PNLIPRP1: variants seen among roughly 807,000 people sequenced by gnomAD.
PNLIPRP1 encodes the protein inactive pancreatic lipase-related protein 1.
In PNLIPRP1, 57 loss-of-function variants were observed where a neutral mutation model predicts 54.6. The observed-to-expected ratio is 1.04, with a 90% CI of 0.84 to 1.30. PNLIPRP1 has a LOEUF of 1.30. PNLIPRP1 is among the 50% of genes most tolerant of loss of function. The pLI is 0.00. For synonymous variants in PNLIPRP1, 232 were observed against 208.8 expected, an observed-to-expected ratio of 1.11 and a Z score of -0.96; for missense variants, 567 against 568.5, an observed-to-expected ratio of 1.00 and a Z score of 0.03.
chr10:116,592,657 A>C, intron 4 of PNLIPRP1, 116 bp downstream of exon 4: 1 of 1,269,072 alleles, frequency 7.9e-7, no homozygotes, highest in Non-Finnish European at 1.1e-6. Flanking sequence ...ATGCAATTAA[A>C]ATGCTTCTCT....
At chr10:116,602,508 G>A (rs753798882) in intron 10 of PNLIPRP1, among the ~76,000 whole-genome samples, 29 of 152,214 alleles carry the variant, frequency 1.9e-4, no homozygotes, top group Non-Finnish European at 2.6e-4. Context: ...GGACGAACAA[G>A]AGACTCCTCT....
In PNLIPRP1 at chr10:116,594,578, A is replaced by G; in HGVS notation, c.331-152A>G. On this transcript the variant is annotated intron_variant, in intron 4 of 12. Transcript: ENST00000358834. ...CTCATAGCATTCACCCTGAAGGATA[A>G]CTCCTAATTACCAACAGGATTCCCT... The G allele has an allele frequency of 2.0e-5, 16 of 794,734 alleles. 1 individual carries two copies. The South Asian group carries it at 2.7e-4, about 13-fold the overall frequency. 49.2% of individuals were successfully genotyped at this position (794,734 alleles called of 1,614,324 possible).
chr10:116,600,919 A>G (rs782496246), intron 9 of PNLIPRP1, among the ~76,000 whole-genome samples, 153 bp from the exon 10 acceptor site: 6 of 152,198 alleles, frequency 3.9e-5, no homozygotes, highest in Non-Finnish European at 8.8e-5. Flanking sequence ...CCTGATCCAG[A>G]TGAAGGTAAT....
chr10:116,591,665 C>A, intron 2 of PNLIPRP1, 106 bp from the exon 3 acceptor site: 1 of 1,188,436 alleles, frequency 8.4e-7, no homozygotes, highest in Non-Finnish European at 1.2e-6. Context: ...CATCCATTGT[C>A]TTCAGACTGT....
intron 9 of PNLIPRP1, 79 bp from the exon 10 acceptor site, chr10:116,600,993 T>C (rs543798618): frequency 3.0e-6 from 4 of 1,333,470 alleles, no homozygotes; most frequent in African/African-American, 2.9e-5. Context: ...TGTAGGAAAA[T>C]TGAGTGTCTG....
At chr10:116,606,904 C>G (rs782313855) in intron 12 of PNLIPRP1, among the ~76,000 whole-genome samples, 2 of 152,036 alleles carry the variant, frequency 1.3e-5, no homozygotes, top group Non-Finnish European at 2.9e-5. Flanking sequence ...ATCAGGTTTT[C>G]TAAACAGAGG....
chr10:116,604,212 A>G (rs1416480342), intron 11 of PNLIPRP1, 74 bp downstream of exon 11: 2 of 768,054 alleles, frequency 2.6e-6, no homozygotes, highest in Non-Finnish European at 4.5e-6. Context: ...TAATTTGAAC[A>G]CTTATCATCT....
At chr10:116,600,935 G>A in intron 9 of PNLIPRP1, 137 bp from the exon 10 acceptor site, 1 of 696,312 alleles carries the variant, frequency 1.4e-6, no homozygotes, top group Non-Finnish European at 2.3e-6. Context: ...GTAATTTAGA[G>A]ATCATCTGCT....
At chr10:116,593,092 CA>C (rs1554863471) in intron 4 of PNLIPRP1, 1 of 165,834 alleles carries the variant, frequency 6.0e-6, no homozygotes, top group Non-Finnish European at 1.3e-5. Context: ...TGCTTGAACC[CA>C]GGAGGCAAAG....
chr10:116,591,936 T>C lies in PNLIPRP1; in HGVS notation c.204+11T>C, dbSNP rs782288037. 1 of 1,614,034 alleles carries C rather than the reference T, an allele frequency of 6.2e-7. No individual in the cohort carries two copies. Among genetic ancestry groups the C allele is most frequent in the Middle Eastern group, 1.6e-4 (1 of 6,062 alleles). On this transcript the variant is annotated intron_variant, in intron 3 of 12. Coordinates refer to ENST00000358834, the MANE Select transcript of PNLIPRP1 (RefSeq NM_006229.4). ...CCAAACAACTTTCAAGTGAGACCTC[T>C]GTCATTTAAATGTCACTGTAACTGG...
At chr10:116,594,665 C>G in intron 4 of PNLIPRP1, 65 bp from the exon 5 acceptor site, 1 of 1,587,788 alleles carries the variant, frequency 6.3e-7, no homozygotes, top group South Asian at 1.1e-5. Flanking sequence ...ATTTCTGAGC[C>G]CTGGCTGGAT....
rs782445701 is a variant in PNLIPRP1, at chr10:116,605,436, T to C, written c.1223T>C (p.Leu408Pro). ...STHSYEFDAK[L>P]DVGTIEKVKF... ...CATTCCTATGAGTTTGATGCAAAGC[T>C]GGATGTTGGAACAATTGAGAAAGTC... Residue 408 changes from leucine (L) to proline (P), a missense_variant, in exon 12 of 13, where the codon CTG becomes CCG. Leu to Pro is a moderately conservative substitution (Grantham distance 98). Coordinates refer to ENST00000358834, the MANE Select transcript of PNLIPRP1 (RefSeq NM_006229.4). 7 of 1,611,966 alleles carry C rather than the reference T, an allele frequency of 4.3e-6. No homozygotes were observed. Among genetic ancestry groups the C allele is most frequent in the Non-Finnish European group, 5.9e-6 (7 of 1,178,246 alleles).
intron 8 of PNLIPRP1, among the ~76,000 whole-genome samples, chr10:116,598,872 G>T: frequency 6.6e-6 from 1 of 152,218 alleles, no homozygotes. Flanking sequence ...AAAACCCTTA[G>T]TAGTCTGACC....
At chr10:116,607,567 C>T (rs1847956348) in intron 12 of PNLIPRP1, among the ~76,000 whole-genome samples, 1 of 151,988 alleles carries the variant, frequency 6.6e-6, no homozygotes, top group African/African-American at 2.4e-5. Context: ...GCATGAGGGG[C>T]GACAGGGCCC....
At chr10:116,605,654 C>A in intron 12 of PNLIPRP1, 101 bp downstream of exon 12, 1 of 853,028 alleles carries the variant, frequency 1.2e-6, no homozygotes, top group Non-Finnish European at 1.7e-6. Flanking sequence ...CAAGAAAAGC[C>A]AAGAAAATTT....
chr10:116,600,307 A>C (rs1554864599), intron 9 of PNLIPRP1, 142 bp downstream of exon 9: 1 of 597,348 alleles, frequency 1.7e-6, no homozygotes, highest in Non-Finnish European at 3.0e-6. Flanking sequence ...GTGGAAGAGA[A>C]AAAAAAGTAA....
At chr10:116,596,800 C>A (rs1387943491) in intron 6 of PNLIPRP1, among the ~76,000 whole-genome samples, 1 of 152,014 alleles carries the variant, frequency 6.6e-6, no homozygotes, top group East Asian at 1.9e-4. Flanking sequence ...ATTCTTTTAA[C>A]CCAATCAAAG....
intron 3 of PNLIPRP1, 72 bp from the exon 4 acceptor site, chr10:116,592,344 C>T (rs1847653686): frequency 8.7e-6 from 13 of 1,500,224 alleles, no homozygotes; most frequent in African/African-American, 5.6e-5. Flanking sequence ...TTGGCGCAGG[C>T]GGAGATGAGG....
chr10:116,591,875 A>G lies in PNLIPRP1; in HGVS notation c.154A>G (p.Ile52Val). 1 of 1,614,194 alleles carries G rather than the reference A, an allele frequency of 6.2e-7. No individual in the cohort carries two copies. Residue 52 changes from isoleucine to valine, a missense_variant, in exon 3 of 13, where the codon ATC becomes GTC. By Grantham distance (29) the Ile-to-Val change is conservative. Transcript: ENST00000358834. ...LKILPWSPEK[I>V]GTRFLLYTNE... Reference sequence around the variant, plus strand: ...AATTCTCCCCTGGAGCCCTGAGAAGATCGGCACCCGCTTCCTGCTGTACAC... The same window carrying G: ...AATTCTCCCCTGGAGCCCTGAGAAGGTCGGCACCCGCTTCCTGCTGTACAC...
Sources: gnomAD v4.1 joint callset for allele counts (sites outside exome capture counted in the v4.1 genomes callset) on GRCh38, gnomAD v4.1.1 for gene constraint, MANE v1.5 for transcripts, NCBI Gene and HGNC (gene_info 2026-07-23, HGNC 2026-07-21) for gene names.